SLIT3: variants seen among roughly 807,000 people sequenced by gnomAD.
SLIT3 encodes slit homolog 3 protein.
In SLIT3, 68 loss-of-function variants were observed where a neutral mutation model predicts 184.0. The observed-to-expected ratio is 0.37, with a 90% CI of 0.30 to 0.45. SLIT3 has a LOEUF of 0.45. SLIT3 is among the 20% of genes least tolerant of loss of function. The pLI is 1.00. For missense variants in SLIT3, 1,707 were observed against 2,026.0 expected, an observed-to-expected ratio of 0.84 and a Z score of 3.02; for synonymous variants, 831 against 828.6, an observed-to-expected ratio of 1.00 and a Z score of -0.05.
intron 3 of SLIT3, among the ~76,000 whole-genome samples, chr5:169,230,224 G>A (rs1218769769): frequency 1.3e-5 from 2 of 152,160 alleles, no homozygotes; most frequent in Non-Finnish European, 2.9e-5. Context: ...TTTAACAGAT[G>A]TTACTCGCAG....
chr5:169,114,258 G>A (rs185023286), intron 4 of SLIT3, among the ~76,000 whole-genome samples: 170 of 152,294 alleles, frequency 1.1e-3, no homozygotes, highest in Middle Eastern at 3.4e-3. Context: ...CGGATGCCAC[G>A]TGTTAAAGAT....
intron 3 of SLIT3, among the ~76,000 whole-genome samples, chr5:169,199,283 G>A (rs1456235318): frequency 1.3e-5 from 2 of 149,664 alleles, no homozygotes; most frequent in African/African-American, 5.0e-5. Context: ...TGTGGCTGAA[G>A]TGTAGGAGAG....
intron 20 of SLIT3, among the ~76,000 whole-genome samples, chr5:168,729,000 A>G (rs1443857054): frequency 6.6e-6 from 1 of 151,986 alleles, no homozygotes; most frequent in Non-Finnish European, 1.5e-5. Context: ...TACAAAATAC[A>G]TTAGAAAATT....
intron 4 of SLIT3, among the ~76,000 whole-genome samples, chr5:169,125,335 C>T (rs1761043098): frequency 6.6e-6 from 1 of 152,242 alleles, no homozygotes; most frequent in South Asian, 2.1e-4. Context: ...GCATGAATCA[C>T]TGCACCCGGC....
At chr5:169,104,515 A>T (rs1267636358) in intron 4 of SLIT3, among the ~76,000 whole-genome samples, 2 of 152,216 alleles carry the variant, frequency 1.3e-5, no homozygotes, top group African/African-American at 4.8e-5. Context: ...TTTAATCTTA[A>T]GTCAAAGAAC....
chr5:169,128,708 G>A (rs775014511), intron 4 of SLIT3, among the ~76,000 whole-genome samples: 5 of 152,176 alleles, frequency 3.3e-5, no homozygotes, highest in Non-Finnish European at 5.9e-5. Context: ...GGGATTACAG[G>A]TGTGAGCCAC....
intron 23 of SLIT3, among the ~76,000 whole-genome samples, chr5:168,719,572 C>T (rs1186581247): frequency 6.6e-6 from 1 of 152,218 alleles, no homozygotes; most frequent in East Asian, 1.9e-4. Flanking sequence ...ATCTTTGCCT[C>T]TTTTAATAAT....
At chr5:169,095,288 T>C (rs1372943147) in intron 4 of SLIT3, among the ~76,000 whole-genome samples, 4 of 152,194 alleles carry the variant, frequency 2.6e-5, no homozygotes, top group African/African-American at 9.7e-5. Context: ...AAAATATGAA[T>C]GCAGAGTCAT....
At chr5:168,704,835 A>G (rs762053722) in intron 26 of SLIT3, among the ~76,000 whole-genome samples, 1 of 152,116 alleles carries the variant, frequency 6.6e-6, no homozygotes, top group Non-Finnish European at 1.5e-5. Context: ...TTTTGTGGGT[A>G]TCTGGGGATT....
intron 12 of SLIT3, among the ~76,000 whole-genome samples, chr5:168,781,377 G>A (rs1007680394): frequency 3.3e-5 from 5 of 152,154 alleles, no homozygotes; most frequent in Non-Finnish European, 5.9e-5. Flanking sequence ...TTACCAATCA[G>A]TCCTTTAAGT....
At chr5:168,726,368 CAGGGAGGGAGAGGGAGGCAGGGAGGCAG>C (rs1763110255) in intron 20 of SLIT3, among the ~76,000 whole-genome samples, 1 of 40,262 alleles carries the variant, frequency 2.5e-5, no homozygotes, top group Non-Finnish European at 5.4e-5. Context: ...GAGAGGGAGG[CAGGGAGGGAGAGGGAGGCAGGGAGGCAG>C]AGGGAGGCAG....
At chr5:169,028,582 T>C (rs1756918072) in intron 4 of SLIT3, among the ~76,000 whole-genome samples, 1 of 152,288 alleles carries the variant, frequency 6.6e-6, no homozygotes, top group Admixed American at 6.5e-5. Context: ...TCATTGCTTG[T>C]TATTACTATA....
At chr5:169,006,604 C>CTCTG (rs1310064477) in intron 4 of SLIT3, among the ~76,000 whole-genome samples, 27 of 149,038 alleles carry the variant, frequency 1.8e-4, no homozygotes, top group African/African-American at 6.5e-4. Context: ...CTCTCTCTCT[C>CTCTG]TCACACACAC....
chr5:169,119,496 T>C (rs1272369064), intron 4 of SLIT3, among the ~76,000 whole-genome samples: 1 of 152,208 alleles, frequency 6.6e-6, no homozygotes, highest in Admixed American at 6.5e-5. Context: ...CTAATTCATC[T>C]CCAAGGAATT....
chr5:168,689,014 G>A (rs914124168), intron 29 of SLIT3, among the ~76,000 whole-genome samples: 2 of 152,220 alleles, frequency 1.3e-5, no homozygotes, highest in Non-Finnish European at 2.9e-5. Flanking sequence ...AGCAGTGGAG[G>A]TCGGGAGGCA....
intron 4 of SLIT3, among the ~76,000 whole-genome samples, chr5:169,097,770 C>T (rs140133582): frequency 3.3e-5 from 5 of 152,286 alleles, no homozygotes; most frequent in African/African-American, 1.2e-4. Context: ...AGCCCCCCAC[C>T]ACCCTGCAAA....
chr5:168,871,636 A>G (rs1458199235), intron 5 of SLIT3, among the ~76,000 whole-genome samples: 1 of 152,214 alleles, frequency 6.6e-6, no homozygotes, highest in African/African-American at 2.4e-5. Flanking sequence ...CCAGGAAACT[A>G]TAAATATGAC....
rs189915336 is a variant in SLIT3 at position 168,794,372 on chromosome 5, G to A, written c.1007+1135C>T. 4.1e-3 allele frequency among the ~76,000 whole-genome samples: 631 copies of A among 152,314 alleles called. 5 individuals are homozygous for A. The highest frequency in any genetic ancestry group is 7.5e-3 in the South Asian group (36 of 4,826). On this transcript the variant is annotated intron_variant, in intron 10 of 35. Coordinates refer to ENST00000519560, the MANE Select transcript of SLIT3 (RefSeq NM_003062.4). ...TGTGCAGAACTGATGGCAATGGTTGGGCTGTTTCTGAATCCTACTGTCCTC... is the reference window on the plus strand; with the variant it reads ...TGTGCAGAACTGATGGCAATGGTTGAGCTGTTTCTGAATCCTACTGTCCTC...
intron 4 of SLIT3, among the ~76,000 whole-genome samples, chr5:168,905,858 T>C (rs1414539890): frequency 6.6e-6 from 1 of 152,210 alleles, no homozygotes; most frequent in Non-Finnish European, 1.5e-5. Context: ...AGATGATGTC[T>C]AGACTTTTTG....
Sources: allele counts gnomAD v4.1 joint callset (sites outside exome capture counted in the v4.1 genomes callset), GRCh38; gene constraint gnomAD v4.1.1; transcripts MANE v1.5; gene names NCBI Gene and HGNC (gene_info 2026-07-23, HGNC 2026-07-21).